The following BCAT1 variants were observed in gnomAD, a reference collection of about 807,000 sequenced individuals.
BCAT1 encodes branched chain amino acid transaminase 1.
In BCAT1, 48 loss-of-function variants were observed where a neutral mutation model predicts 52.4. That is an observed-to-expected ratio of 0.92 (90% CI 0.73 to 1.16). The LOEUF (loss-of-function observed/expected upper bound fraction) is 1.16, where lower values mean the gene tolerates loss of function less well. Ranked by LOEUF, BCAT1 falls within the 50% of genes most tolerant of loss-of-function variation. The pLI is 0.00. For synonymous variants in BCAT1, 167 were observed against 161.3 expected (o/e 1.04, Z -0.27); for missense variants, 451 against 457.1 (o/e 0.99, Z 0.12).
At chr12:24,859,618 CAAAAAAA>C (rs71063366) in intron 5 of BCAT1, among the ~76,000 whole-genome samples, 3 of 94,010 alleles carry the variant, frequency 3.2e-5, no homozygotes, top group Non-Finnish European at 4.3e-5. Context: ...AGACTCGTCT[CAAAAAAA>C]AAAAAAAAAA....
At chr12:24,933,489 C>T (rs1012081275) in intron 1 of BCAT1, among the ~76,000 whole-genome samples, 2 of 152,216 alleles carry the variant, frequency 1.3e-5, no homozygotes, top group Non-Finnish European at 2.9e-5. Context: ...TGCAACTTTA[C>T]CTGCTCTTCA....
chr12:24,826,407 C>G (rs1940402251), intron 10 of BCAT1, among the ~76,000 whole-genome samples: 1 of 152,166 alleles, frequency 6.6e-6, no homozygotes, highest in African/African-American at 2.4e-5. Flanking sequence ...TTCCCCGTTA[C>G]AGTTCTTGGC....
At chr12:24,918,705 T>A (rs530244042) in intron 1 of BCAT1, among the ~76,000 whole-genome samples, 32 of 152,308 alleles carry the variant, frequency 2.1e-4, no homozygotes, top group African/African-American at 7.2e-4. Flanking sequence ...AAATAAAGAT[T>A]TAAGACCTAT....
intron 5 of BCAT1, among the ~76,000 whole-genome samples, chr12:24,869,068 A>G (rs1265191082): frequency 1.3e-5 from 2 of 152,262 alleles, no homozygotes; most frequent in Non-Finnish European, 1.5e-5. Flanking sequence ...ACTCAACATA[A>G]TTGGTTCTCA....
intron 6 of BCAT1, among the ~76,000 whole-genome samples, chr12:24,844,099 C>G (rs1420412477): frequency 6.6e-6 from 1 of 152,166 alleles, no homozygotes; most frequent in Non-Finnish European, 1.5e-5. Flanking sequence ...GCTTTAGCCC[C>G]TAGCATCCTA....
At chr12:24,947,359 G>A (rs540661307) in intron 1 of BCAT1, among the ~76,000 whole-genome samples, 1 of 152,230 alleles carries the variant, frequency 6.6e-6, no homozygotes, top group South Asian at 2.1e-4. Context: ...TGCCCATTCT[G>A]CATGTGTCTG....
chr12:24,908,797 G>T (rs1943267191), intron 1 of BCAT1, among the ~76,000 whole-genome samples: 2 of 152,164 alleles, frequency 1.3e-5, no homozygotes. Flanking sequence ...ACTACATGGG[G>T]CTACAGTCTG....
chr12:24,884,797 T>C (rs995061081), intron 3 of BCAT1, among the ~76,000 whole-genome samples: 4 of 152,138 alleles, frequency 2.6e-5, no homozygotes, highest in African/African-American at 9.7e-5. Context: ...AAAAAATCAA[T>C]TAATGTGATT....
chr12:24,828,920 T>C (rs1188854861), intron 10 of BCAT1, among the ~76,000 whole-genome samples: 1 of 151,826 alleles, frequency 6.6e-6, no homozygotes, highest in Non-Finnish European at 1.5e-5. Flanking sequence ...GGCAGAAGAA[T>C]CGCTTGAACC....
chr12:24,833,449 GC>G (rs1940775085), intron 8 of BCAT1, among the ~76,000 whole-genome samples: 1 of 152,104 alleles, frequency 6.6e-6, no homozygotes, highest in African/African-American at 2.4e-5. Flanking sequence ...AACTCAGGAG[GC>G]AGAGGTTGCA....
intron 9 of BCAT1, chr12:24,830,732 C>A (rs925246295): frequency 6.6e-6 from 1 of 152,114 alleles, no homozygotes; most frequent in African/African-American, 2.4e-5. Context: ...TAAAAAAAAT[C>A]TGGCCTAATG....
chr12:24,910,363 C>T (rs928134534), intron 1 of BCAT1, among the ~76,000 whole-genome samples: 6 of 150,364 alleles, frequency 4.0e-5, no homozygotes, highest in Admixed American at 6.6e-5. Context: ...GGTGACATAG[C>T]GAGACTCTGT....
rs555429459 is a variant in BCAT1 at position 24,916,436 on chromosome 12, A to G, written c.7-14551T>C. 5.1e-4 allele frequency among the ~76,000 whole-genome samples: 77 copies of G among 152,278 alleles called. 1 individual carries two copies. Among genetic ancestry groups the G allele is most frequent in the African/African-American group, 1.6e-3 (65 of 41,572 alleles). On this transcript the variant is annotated intron_variant, in intron 1 of 10. Transcript: ENST00000261192. ...CCTCGAAGCAGTCCGGTTGCACTCA[A>G]AAAAAAGACATTCCAGTCAAAGCCT...
chr12:24,933,223 C>T (rs1943704436), intron 1 of BCAT1, among the ~76,000 whole-genome samples: 1 of 150,196 alleles, frequency 6.7e-6, no homozygotes. Flanking sequence ...CGGGCCTCAG[C>T]CTCCCAATGT....
At chr12:24,933,237 G>C (rs73063678) in intron 1 of BCAT1, among the ~76,000 whole-genome samples, 4,147 of 147,622 alleles carry the variant, frequency 0.028, 91 homozygotes, top group Non-Finnish European at 0.045. Flanking sequence ...CCAATGTGCC[G>C]AGATTACAGG....
intron 8 of BCAT1, among the ~76,000 whole-genome samples, chr12:24,836,028 A>G (rs1368092531): frequency 6.6e-6 from 1 of 152,212 alleles, no homozygotes; most frequent in Non-Finnish European, 1.5e-5. Flanking sequence ...GGACAGAGAG[A>G]AAAAGAAGGC....
At position 24,887,080 on chromosome 12, in the gene BCAT1, A is replaced by AAAAAAAATAT. The variant is rs1245203518; in HGVS notation, c.280-5670_280-5669insATATTTTTTT. On this transcript the variant is annotated intron_variant, in intron 3 of 10. Coordinates refer to ENST00000261192, the MANE Select transcript of BCAT1 (RefSeq NM_005504.7). ...GCTAGCTAAAAAAAAAAAAAAAAAA[A>AAAAAAAATAT]ATATATATATATATATATATATATA... Among the ~76,000 whole-genome samples the AAAAAAAATAT allele has an allele frequency of 1.7e-3, 69 of 40,708 alleles. 1 individual carries two copies. Among genetic ancestry groups the AAAAAAAATAT allele is most frequent in the Non-Finnish European group, 2.9e-3 (55 of 19,030 alleles). 26.7% of individuals were successfully genotyped at this position (40,708 alleles called of 152,430 possible). A position where few individuals can be genotyped will look rare whatever the true frequency, so the allele number is the denominator to read the frequency against.
chr12:24,849,913 G>C lies in BCAT1; in HGVS notation c.547C>G (p.Leu183Val), dbSNP rs200941618. ...CCCACTGGGCTCAAGAGTACAAAGAGCAGGGCTTTGGTAGGCTTCTTGACT... is the reference window on the plus strand; with the variant it reads ...CCCACTGGGCTCAAGAGTACAAAGACCAGGGCTTTGGTAGGCTTCTTGACT... The part of the protein sequence containing the change: ...LGVKKPTKAL[L>V]FVLLSPVGPY... Residue 183 changes from leucine (L) to valine (V), a missense_variant, in exon 6 of 11, where the codon CTC (leucine) becomes GTC (valine). By Grantham distance (32) the Leu-to-Val change is conservative. Coordinates refer to ENST00000261192, the MANE Select transcript of BCAT1 (RefSeq NM_005504.7). 6.2e-7 allele frequency: 1 copy of C among 1,612,884 alleles called. No individual in the cohort carries two copies.
chr12:24,830,579 C>T (rs1940619838), intron 9 of BCAT1: 1 of 152,176 alleles, frequency 6.6e-6, no homozygotes, highest in Non-Finnish European at 1.5e-5. Context: ...CTCTCAAACA[C>T]TTTTCATATT....
Sources: allele counts gnomAD v4.1 joint callset (sites outside exome capture counted in the v4.1 genomes callset), GRCh38; gene constraint gnomAD v4.1.1; transcripts MANE v1.5; gene names NCBI Gene and HGNC (gene_info 2026-07-23, HGNC 2026-07-21).